MMEL1: variants seen among roughly 807,000 people sequenced by gnomAD.
MMEL1 encodes membrane metallo-endopeptidase-like 1.
Under a neutral mutation model 117.1 loss-of-function variants are expected in MMEL1, and 98 were observed. The observed-to-expected ratio is 0.84, with a 90% CI of 0.71 to 0.99. The LOEUF is 0.99. MMEL1 is among the 50% of genes least tolerant of loss of function. The probability of loss-of-function intolerance (pLI) is 0.00; values close to 1 mark genes in which losing one functional copy is unlikely to be tolerated. For synonymous variants in MMEL1, 390 were observed against 415.1 expected (o/e 0.94, Z 0.74); for missense variants, 1,014 against 1,049.1 (o/e 0.97, Z 0.46).
At chr1:2,594,105 G>C in intron 18 of MMEL1, 172 bp from the exon 19 acceptor site, 1 of 956,506 alleles carries the variant, frequency 1.0e-6, no homozygotes, top group South Asian at 1.7e-5. Flanking sequence ...AGGCTGGGCG[G>C]GCTCGTGCCT....
chr1:2,632,823 G>T (rs1167178983), intron 1 of MMEL1, 43 bp downstream of exon 1: 1 of 980,098 alleles, frequency 1.0e-6, no homozygotes. Context: ...GGGTTTCAAG[G>T]CCCAGGAAAG....
intron 4 of MMEL1, among the ~76,000 whole-genome samples, chr1:2,610,497 C>A (rs569151678): frequency 6.6e-6 from 1 of 152,302 alleles, no homozygotes; most frequent in Admixed American, 6.5e-5. Flanking sequence ...CCCTGTAAGC[C>A]GGGCCCAGCT....
chr1:2,613,191 A>T (rs1472707754), intron 2 of MMEL1, among the ~76,000 whole-genome samples: 1 of 152,210 alleles, frequency 6.6e-6, no homozygotes, highest in African/African-American at 2.4e-5. Flanking sequence ...GGAAACAGGG[A>T]GAAAGTGCCG....
Position 2,594,416 on chromosome 1 carries a change from A to C in MMEL1, c.1716T>G (p.Asn572Lys), listed in dbSNP as rs1319835355. ...NLWIIGAAVV[N>K]AFYSPNRNQI... The stretch of plus-strand genomic sequence containing the variant: ...GGTTTCGGTTTGGGGAGTAGAACGC[A>C]TTGACCACCGCCGCCCCGATGATCC... The change falls in exon 18 of 24, where the codon AAT becomes AAG. Residue 572 changes from asparagine (N) to lysine (K), a missense_variant. Asn to Lys is a moderately conservative substitution (Grantham distance 94). Coordinates refer to ENST00000378412, the MANE Select transcript of MMEL1 (RefSeq NM_033467.4). The C allele has an allele frequency of 1.9e-5, 29 of 1,551,618 alleles. No homozygotes were observed. The highest frequency in any genetic ancestry group is 2.4e-5 in the Non-Finnish European group (27 of 1,146,974).
chr1:2,608,238 C>T (rs1570682102), intron 6 of MMEL1, among the ~76,000 whole-genome samples: 1 of 152,082 alleles, frequency 6.6e-6, no homozygotes, highest in Admixed American at 6.6e-5. Flanking sequence ...CACGAGACCC[C>T]CTGGGCAAAA....
Position 2,609,692 on chromosome 1 carries a change from G to A in MMEL1, c.432C>T (p.Asp144=), listed in dbSNP as rs754317660. Residue 144 remains aspartate (D), a synonymous_variant, in exon 5 of 24, where the codon GAC becomes GAT. Coordinates refer to ENST00000378412, the MANE Select transcript of MMEL1 (RefSeq NM_033467.4). ...CACCTTTGAGGATGACCTCCAGCTCGTCGCGGAGGACGTCAAAGATGCTGT... is the reference window on the plus strand; with the variant it reads ...CACCTTTGAGGATGACCTCCAGCTCATCGCGGAGGACGTCAAAGATGCTGT... ...SRYSIFDVLR[D]ELEVILKAVL... is the part of the protein sequence containing the mutation. 21 of 1,612,050 alleles carry A rather than the reference G, an allele frequency of 1.3e-5. No homozygotes were observed. The highest frequency in any genetic ancestry group is 6.7e-5 in the Admixed American group (4 of 59,898).
In MMEL1 at chr1:2,629,419, C is replaced by T. The variant is rs774434363; in HGVS notation, c.66G>A (p.Pro22=). The change falls in exon 2 of 24, where the codon CCG becomes CCA. Residue 22 remains proline, a synonymous_variant. Transcript: ENST00000378412. ...ESAGRAGQKR[P]GFLEGGLLLL... ...GCAGCAGCCCCCCCTCCAGGAACCC[C>T]GGGCGCTTCTGCCCTGCACGGCCGG... 5.8e-6 allele frequency: 9 copies of T among 1,545,784 alleles called. No homozygotes were observed. Among genetic ancestry groups the T allele is most frequent in the Admixed American group, 2.0e-5 (1 of 50,922 alleles).
Position 2,598,666 on chromosome 1 carries a change from G to A in MMEL1, c.1166C>T (p.Thr389Ile). 1 of 1,614,150 alleles carries A rather than the reference G, an allele frequency of 6.2e-7. No individual in the cohort carries two copies. The highest frequency in any genetic ancestry group is 8.5e-7 in the Non-Finnish European group (1 of 1,180,022). The change falls in exon 12 of 24, where the codon ACC becomes ATC. Residue 389 changes from threonine to isoleucine, a missense_variant. By Grantham distance (89) the Thr-to-Ile change is moderately conservative. Transcript: ENST00000378412. Reference sequence around the variant, plus strand: ...CCCTGGGCCTCACCTGGCTGAGTAGGTGTCGATGATGTTTTCAAGGTTCTG... The same window carrying A: ...CCCTGGGCCTCACCTGGCTGAGTAGATGTCGATGATGTTTTCAAGGTTCTG... ...YLQNLENIID[T>I]YSARTIQNYL...
At position 2,592,662 on chromosome 1, in the gene MMEL1, G is replaced by T. The variant is rs1270698630; in HGVS notation, c.2060C>A (p.Ala687Asp). Reference sequence around the variant, plus strand: ...TCCCCTGCCAGGCCCCACCTTATAGGCTTGCCGCACCCCTCCGTTGTCAGC... The same window carrying T: ...TCCCCTGCCAGGCCCCACCTTATAGTCTTGCCGCACCCCTCCGTTGTCAGC... ...NIADNGGVRQ[A>D]YKAYLKWMAE... Residue 687 changes from alanine (A) to aspartate (D), a missense_variant, in exon 21 of 24, where the codon GCC (alanine) becomes GAC (aspartate). Ala to Asp is a moderately radical substitution (Grantham distance 126). Coordinates refer to ENST00000378412, the MANE Select transcript of MMEL1 (RefSeq NM_033467.4). The T allele has an allele frequency of 6.3e-7, 1 of 1,590,994 alleles. No homozygotes were observed. Among genetic ancestry groups the T allele is most frequent in the South Asian group, 1.1e-5 (1 of 89,564 alleles).
chr1:2,615,393 C>G (rs954882878), intron 2 of MMEL1, among the ~76,000 whole-genome samples: 2 of 152,180 alleles, frequency 1.3e-5, no homozygotes, highest in African/African-American at 4.8e-5. Flanking sequence ...AACCATTAGG[C>G]TAATTCCAAC....
chr1:2,595,404 T>C lies in MMEL1; in HGVS notation c.1501-45A>G, dbSNP rs774550530. On this transcript the variant is annotated intron_variant, in intron 15 of 23. Coordinates refer to ENST00000378412, the MANE Select transcript of MMEL1 (RefSeq NM_033467.4). The surrounding 1 kb of genome is among the most constrained non-coding windows in gnomAD (Gnocchi z 4.8). ...TGGTCAGTGGGTGCCCCACTGCGGA[T>C]GGAGTCAGCCCGGGGGCCGGTCAGT... The C allele has an allele frequency of 1.3e-5, 21 of 1,570,304 alleles. 1 individual carries two copies. In the South Asian group the frequency reaches 2.1e-4, roughly 16 times the overall value.
rs1570670931 is a variant in MMEL1 at position 2,603,879 on chromosome 1, C to T, written c.1041+5G>A. On this transcript the variant is annotated splice_donor_5th_base_variant and intron_variant, in intron 11 of 23. Coordinates refer to ENST00000378412, the MANE Select transcript of MMEL1 (RefSeq NM_033467.4). ...GTGCCGGCCTCCTGTGTGGTGTGGC[C>T]TCACCTTCAGGCCAAACTGGCTTTG... 1 of 1,613,436 alleles carries T rather than the reference C, an allele frequency of 6.2e-7. No homozygotes were observed.
chr1:2,626,143 G>A (rs986439349), intron 2 of MMEL1, among the ~76,000 whole-genome samples: 12 of 152,232 alleles, frequency 7.9e-5, no homozygotes. Context: ...GATGTGCGAT[G>A]CGATTATGTA....
chr1:2,625,138 C>A (rs1324003611), intron 2 of MMEL1, among the ~76,000 whole-genome samples: 1 of 152,186 alleles, frequency 6.6e-6, no homozygotes, highest in African/African-American at 2.4e-5. Context: ...ATTCTGCCCC[C>A]AGCCCCTCCC....
intron 6 of MMEL1, 121 bp downstream of exon 6, chr1:2,609,218 C>G: frequency 1.1e-6 from 1 of 942,380 alleles, no homozygotes. Context: ...TGGCATGAGT[C>G]CTAAAGGCAC....
chr1:2,595,180 A>G lies in MMEL1; in HGVS notation c.1584+96T>C. The stretch of plus-strand genomic sequence containing the variant: ...GAGGACAGCTGTGTTAGCGCCTGGG[A>G]GGAGGGCACAGAGCTTGGCACAGAG... On this transcript the variant is annotated intron_variant, in intron 16 of 23. Transcript: ENST00000378412. This position sits in a 1 kb window ranked among gnomAD's most constrained non-coding sequence, Gnocchi z 4.8. 8.9e-7 allele frequency: 1 copy of G among 1,122,826 alleles called. No homozygotes were observed. The highest frequency in any genetic ancestry group is 1.3e-6 in the Non-Finnish European group (1 of 763,952). The allele number at this position is 1,122,826 out of a possible 1,614,324, so 69.6% of individuals were successfully genotyped here.
rs868096878 is a variant in MMEL1, at chr1:2,612,660, A to G, written c.155-456T>C. ...GCCTTTTCAGAGAGGGTGGCTTCCCACTAATGACCCTTGTCCCTAGCCCCT... is the reference window on the plus strand; with the variant it reads ...GCCTTTTCAGAGAGGGTGGCTTCCCGCTAATGACCCTTGTCCCTAGCCCCT... On this transcript the variant is annotated intron_variant, in intron 2 of 23. Coordinates refer to ENST00000378412, the MANE Select transcript of MMEL1 (RefSeq NM_033467.4). This position sits in a 1 kb window ranked among gnomAD's most constrained non-coding sequence, Gnocchi z 5.4. 3.2e-4 allele frequency among the ~76,000 whole-genome samples: 49 copies of G among 151,874 alleles called. No homozygotes were observed. The highest frequency in any genetic ancestry group is 1.1e-3 in the African/African-American group (44 of 41,412).
At chr1:2,608,758 G>A (rs1332587893) in intron 6 of MMEL1, among the ~76,000 whole-genome samples, 1 of 151,790 alleles carries the variant, frequency 6.6e-6, no homozygotes, top group Non-Finnish European at 1.5e-5. Flanking sequence ...TAACACACAT[G>A]TGCACACAAT....
At chr1:2,604,341 T>C in intron 9 of MMEL1, 60 bp from the exon 10 acceptor site, 1 of 1,592,458 alleles carries the variant, frequency 6.3e-7, no homozygotes. Flanking sequence ...CCCCAGGGAG[T>C]TTTCTGTGGG....
Sources: gnomAD v4.1 joint callset for allele counts (sites outside exome capture counted in the v4.1 genomes callset) on GRCh38, gnomAD v4.1.1 for gene constraint, Gnocchi (gnomAD v3.1) non-coding constraint, MANE v1.5 for transcripts, NCBI Gene and HGNC (gene_info 2026-07-23, HGNC 2026-07-21) for gene names.